C8orf34: variants seen among roughly 807,000 people sequenced by gnomAD.
C8orf34 encodes uncharacterized protein C8orf34.
A neutral mutation model predicts 68.3 loss-of-function variants in C8orf34; 65 were observed. That is an observed-to-expected ratio of 0.95 (90% CI 0.78 to 1.17). The LOEUF (loss-of-function observed/expected upper bound fraction) is 1.17. Ranked by LOEUF, C8orf34 falls within the 50% of genes most tolerant of loss-of-function variation. The pLI is 0.00. For synonymous variants in C8orf34, 244 were observed against 241.2 expected (o/e 1.01, Z -0.11); for missense variants, 664 against 655.4 (o/e 1.01, Z -0.14).
At chr8:68,414,146 C>T (rs547159054) in intron 1 of C8orf34, among the ~76,000 whole-genome samples, 66 of 152,266 alleles carry the variant, frequency 4.3e-4, no homozygotes, top group South Asian at 3.7e-3. Context: ...ATCTTGATCA[C>T]CCTATGTAAT....
At chr8:68,787,412 T>A in intron 11 of C8orf34, 31 bp from the exon 12 acceptor site, 1 of 1,516,402 alleles carries the variant, frequency 6.6e-7, no homozygotes, top group Middle Eastern at 1.7e-4. Flanking sequence ...CAAAACAGAG[T>A]TTAATCTAAA....
chr8:68,769,710 G>A (rs575312811), intron 10 of C8orf34, among the ~76,000 whole-genome samples: 1 of 152,212 alleles, frequency 6.6e-6, no homozygotes, highest in African/African-American at 2.4e-5. Flanking sequence ...TCCAGAGTCA[G>A]CTAAGATCTA....
intron 6 of C8orf34, among the ~76,000 whole-genome samples, chr8:68,528,732 A>G (rs191797929): frequency 2.0e-5 from 3 of 152,144 alleles, no homozygotes; most frequent in African/African-American, 4.8e-5. Flanking sequence ...ACTCTCCTCA[A>G]TGATGACTTC....
chr8:68,781,067 A>G (rs1823662172), intron 11 of C8orf34, among the ~76,000 whole-genome samples: 1 of 152,180 alleles, frequency 6.6e-6, no homozygotes. Flanking sequence ...ATAGAAACTG[A>G]TGTTTTGTGC....
chr8:68,708,437 C>T (rs1401992739), intron 8 of C8orf34, among the ~76,000 whole-genome samples: 1 of 151,970 alleles, frequency 6.6e-6, no homozygotes, highest in Non-Finnish European at 1.5e-5. Flanking sequence ...ATAAATTATG[C>T]CTGTATTTAT....
At chr8:68,770,539 A>G (rs1021662275) in intron 10 of C8orf34, among the ~76,000 whole-genome samples, 3 of 152,190 alleles carry the variant, frequency 2.0e-5, no homozygotes, top group African/African-American at 7.2e-5. Flanking sequence ...ATTCATTCTT[A>G]CAGTTACATT....
At chr8:68,499,191 T>C (rs34428583) in intron 5 of C8orf34, among the ~76,000 whole-genome samples, 8,801 of 152,232 alleles carry the variant, frequency 0.058, 443 homozygotes, top group East Asian at 0.2. Flanking sequence ...TGGTTATCTG[T>C]TCCTGCATTG....
At chr8:68,505,725 G>A (rs1335868737) in intron 5 of C8orf34, among the ~76,000 whole-genome samples, 1 of 87,144 alleles carries the variant, frequency 1.1e-5, no homozygotes, top group Non-Finnish European at 1.9e-5. Context: ...GCGACAGAGC[G>A]AGACTCCGTC....
intron 8 of C8orf34, among the ~76,000 whole-genome samples, chr8:68,676,097 G>T (rs1456202763): frequency 2.0e-5 from 3 of 152,170 alleles, no homozygotes; most frequent in Non-Finnish European, 2.9e-5. Context: ...AACTTTGGGA[G>T]GCTGAGGCTA....
chr8:68,410,584 GC>G (rs1431594497), intron 1 of C8orf34, among the ~76,000 whole-genome samples: 1 of 152,080 alleles, frequency 6.6e-6, no homozygotes, highest in African/African-American at 2.4e-5. Flanking sequence ...CTGGGGGATA[GC>G]TGTACACAGG....
At chr8:68,677,289 G>C (rs1027224069) in intron 8 of C8orf34, among the ~76,000 whole-genome samples, 1 of 152,132 alleles carries the variant, frequency 6.6e-6, no homozygotes, top group South Asian at 2.1e-4. Flanking sequence ...TACTAAGAGG[G>C]AAGTTTATAG....
intron 4 of C8orf34, among the ~76,000 whole-genome samples, 180 bp downstream of exon 4, chr8:68,469,000 G>A (rs1204145140): frequency 6.6e-6 from 1 of 152,034 alleles, no homozygotes; most frequent in African/African-American, 2.4e-5. Context: ...AGATTCTTGG[G>A]TAGACTGATC....
chr8:68,391,965 T>G (rs575537953), intron 1 of C8orf34, among the ~76,000 whole-genome samples: 2 of 152,150 alleles, frequency 1.3e-5, no homozygotes, highest in Non-Finnish European at 2.9e-5. Context: ...GGAAAACCAA[T>G]GAACATCGCT....
chr8:68,660,478 C>T (rs191258465), intron 8 of C8orf34, among the ~76,000 whole-genome samples: 3 of 152,194 alleles, frequency 2.0e-5, no homozygotes, highest in African/African-American at 7.2e-5. Context: ...CACACACTGT[C>T]TTTCCCCTGC....
intron 9 of C8orf34, among the ~76,000 whole-genome samples, chr8:68,721,045 C>A (rs890725517): frequency 2.0e-5 from 3 of 151,868 alleles, no homozygotes; most frequent in Non-Finnish European, 2.9e-5. Flanking sequence ...AGAAACAGGG[C>A]ATTAAATATA....
intron 9 of C8orf34, among the ~76,000 whole-genome samples, chr8:68,719,065 T>C (rs1278798211): frequency 6.6e-6 from 1 of 152,118 alleles, no homozygotes; most frequent in African/African-American, 2.4e-5. Flanking sequence ...CTTGCACATA[T>C]ATACTCACCT....
At chr8:68,341,046 A>G (rs191407159) in intron 1 of C8orf34, among the ~76,000 whole-genome samples, 22 of 152,362 alleles carry the variant, frequency 1.4e-4, no homozygotes, top group African/African-American at 4.6e-4. Flanking sequence ...TCCAGCTGCT[A>G]TAATGAAAAT....
intron 5 of C8orf34, among the ~76,000 whole-genome samples, chr8:68,518,886 C>CAAAAAAAAAAAAAAA (rs56255310): frequency 2.6e-5 from 2 of 78,190 alleles, no homozygotes; most frequent in Non-Finnish European, 5.0e-5. Context: ...GAGCAAGACT[C>CAAAAAAAAAAAAAAA]AAAAAAAAAA....
At chr8:68,434,121 C>T (rs1428434625) in intron 1 of C8orf34, among the ~76,000 whole-genome samples, 1 of 152,052 alleles carries the variant, frequency 6.6e-6, no homozygotes, top group Admixed American at 6.6e-5. Flanking sequence ...TCTTTGTATG[C>T]ATTTCTTTCC....
Sources: allele counts gnomAD v4.1 joint callset (sites outside exome capture counted in the v4.1 genomes callset), GRCh38; gene constraint gnomAD v4.1.1; transcripts MANE v1.5; gene names NCBI Gene and HGNC (gene_info 2026-07-23, HGNC 2026-07-21).